CDK13: variants seen among roughly 807,000 people sequenced by gnomAD.
CDK13 encodes the protein cyclin dependent kinase 13.
CDK13 carries 40 observed loss-of-function variants against 137.6 expected under a neutral mutation model. The ratio of observed to expected loss-of-function variants is 0.29; its 90% CI spans 0.23 to 0.38. The LOEUF (loss-of-function observed/expected upper bound fraction) is 0.38, where lower values mean the gene tolerates loss of function less well. CDK13 is among the 10% of genes least tolerant of loss of function. The pLI is 1.00. For missense variants in CDK13, 1,704 were observed against 1,951.8 expected (o/e 0.87, Z 2.39); for synonymous variants, 869 against 760.1 (o/e 1.14, Z -2.36).
chr7:40,084,477 T>C (rs1278936804), intron 11 of CDK13, among the ~76,000 whole-genome samples: 2 of 152,154 alleles, frequency 1.3e-5, no homozygotes, highest in Non-Finnish European at 2.9e-5. Context: ...AAACTCTGTC[T>C]CAAAAACAAA....
At chr7:40,004,765 G>A (rs1306206424) in intron 5 of CDK13, among the ~76,000 whole-genome samples, 1 of 152,144 alleles carries the variant, frequency 6.6e-6, no homozygotes, top group African/African-American at 2.4e-5. Flanking sequence ...GTTAAACAAT[G>A]TAAATATGCA....
At chr7:40,055,559 T>C (rs1041168542) in intron 7 of CDK13, among the ~76,000 whole-genome samples, 1 of 151,572 alleles carries the variant, frequency 6.6e-6, no homozygotes, top group Non-Finnish European at 1.5e-5. Context: ...AAATTCATTT[T>C]TGAGGATTCT....
intron 2 of CDK13, among the ~76,000 whole-genome samples, chr7:39,994,126 CT>C (rs1262491207): frequency 6.6e-6 from 1 of 151,980 alleles, no homozygotes; most frequent in African/African-American, 2.4e-5. Flanking sequence ...GGATGTTGAC[CT>C]TTGCTTCTCA....
intron 5 of CDK13, among the ~76,000 whole-genome samples, chr7:40,003,190 ACACACACACACACACACTCT>A (rs1298379789): frequency 1.8e-4 from 18 of 98,420 alleles, no homozygotes; most frequent in East Asian, 6.1e-4. Flanking sequence ...ACACACACAC[ACACACACACACACACACTCT>A]CTCTCTCTCT....
At position 39,950,544 on chromosome 7, in the gene CDK13, C is replaced by T. The variant is rs1344786495; in HGVS notation, c.-98C>T. ...CCCGGCCGGCTCTGGTGCTCGGTGT[C>T]CCTCCGCCGCCGCTCCCGTTTCCGG... On this transcript the variant is annotated 5_prime_UTR_variant, in exon 1 of 14. Coordinates refer to ENST00000181839, the MANE Select transcript of CDK13 (RefSeq NM_003718.5). 7 of 1,273,648 alleles carry T rather than the reference C, an allele frequency of 5.5e-6. No homozygotes were observed. The highest frequency in any genetic ancestry group is 5.2e-5 in the South Asian group (2 of 38,196). The allele number at this position is 1,273,648 out of a possible 1,614,324, so 78.9% of individuals were successfully genotyped here.
intron 5 of CDK13, among the ~76,000 whole-genome samples, chr7:40,036,487 G>T (rs755799674): frequency 6.6e-6 from 1 of 152,154 alleles, no homozygotes; most frequent in Non-Finnish European, 1.5e-5. Context: ...CAGGAGAATT[G>T]CCTGAACCTG....
chr7:40,006,994 G>A (rs1347359633), intron 5 of CDK13, among the ~76,000 whole-genome samples: 2 of 152,148 alleles, frequency 1.3e-5, no homozygotes, highest in Admixed American at 6.5e-5. Context: ...CATAGTAACA[G>A]TACTACACAG....
chr7:40,032,127 G>A (rs1245486214), intron 5 of CDK13, among the ~76,000 whole-genome samples: 1 of 151,982 alleles, frequency 6.6e-6, no homozygotes, highest in African/African-American at 2.4e-5. Flanking sequence ...TGTGACTTTG[G>A]TTCACTGCAG....
At chr7:40,046,338 A>G (rs559054847) in intron 6 of CDK13, among the ~76,000 whole-genome samples, 32 of 152,276 alleles carry the variant, frequency 2.1e-4, no homozygotes, top group African/African-American at 7.2e-4. Context: ...AGTTTACTTT[A>G]TACAAACTAT....
chr7:40,004,697 A>G (rs945023926), intron 5 of CDK13, among the ~76,000 whole-genome samples: 1 of 152,246 alleles, frequency 6.6e-6, no homozygotes, highest in Non-Finnish European at 1.5e-5. Flanking sequence ...CACTGGTTAA[A>G]TGTTATGGGC....
chr7:39,976,327 A>T (rs866546549), intron 1 of CDK13, among the ~76,000 whole-genome samples: 4,996 of 38,910 alleles, frequency 0.13, 97 homozygotes, highest in East Asian at 0.36. Flanking sequence ...TCTCTCTCAC[A>T]CACACACACA....
chr7:39,969,900 A>C (rs1419170878), intron 1 of CDK13, among the ~76,000 whole-genome samples: 1 of 152,234 alleles, frequency 6.6e-6, no homozygotes, highest in Non-Finnish European at 1.5e-5. Flanking sequence ...AGATACAAAT[A>C]AATGTTTTGC....
At chr7:40,024,649 T>G (rs1337224091) in intron 5 of CDK13, among the ~76,000 whole-genome samples, 1 of 22,414 alleles carries the variant, frequency 4.5e-5, no homozygotes, top group Non-Finnish European at 9.6e-5. Context: ...CTCTGTGTTT[T>G]TTTTTTTTTT....
Position 39,950,463 on chromosome 7 carries a change from A to G in CDK13, c.-179A>G, listed in dbSNP as rs1780746219. On this transcript the variant is annotated 5_prime_UTR_variant, in exon 1 of 14. Coordinates refer to ENST00000181839, the MANE Select transcript of CDK13 (RefSeq NM_003718.5). ...GGGCCCGGAGGCTGCTGCGTACCCC[A>G]CTGTGACCTGGAACCCAGGGACCCG... is the stretch of plus-strand genomic sequence containing the variant. 4 of 1,253,532 alleles carry G rather than the reference A, an allele frequency of 3.2e-6. No homozygotes were observed. The highest frequency in any genetic ancestry group is 4.0e-6 in the Non-Finnish European group (4 of 1,000,208). 77.7% of individuals were successfully genotyped at this position (1,253,532 alleles called of 1,614,324 possible). A position where few individuals can be genotyped will look rare whatever the true frequency, so the allele number is the denominator to read the frequency against.
Position 40,076,784 on chromosome 7 carries a change from C to T in CDK13, c.2781-1221C>T, listed in dbSNP as rs118191287. 6.5e-3 allele frequency among the ~76,000 whole-genome samples: 987 copies of T among 152,226 alleles called. 6 individuals are homozygous for T. The highest frequency in any genetic ancestry group is 0.011 in the Non-Finnish European group (742 of 68,024). On this transcript the variant is annotated intron_variant, in intron 9 of 13. Transcript: ENST00000181839. ...CTAAAAAAATGTCTGGCAACTTGAG[C>T]CATTACTTGTTCATATACATTTATA...
At chr7:39,960,276 C>T (rs1035621215) in intron 1 of CDK13, among the ~76,000 whole-genome samples, 5 of 151,278 alleles carry the variant, frequency 3.3e-5, no homozygotes, top group Middle Eastern at 3.4e-3. Context: ...GATGGAGTCT[C>T]GCTCTGTCAC....
At chr7:39,993,804 G>A (rs886702913) in intron 2 of CDK13, among the ~76,000 whole-genome samples, 1 of 151,874 alleles carries the variant, frequency 6.6e-6, no homozygotes, top group Non-Finnish European at 1.5e-5. Flanking sequence ...AATTTTTATA[G>A]GATAGTTACA....
intron 1 of CDK13, among the ~76,000 whole-genome samples, chr7:39,970,511 A>G (rs938088392): frequency 1.3e-5 from 2 of 149,348 alleles, no homozygotes; most frequent in Non-Finnish European, 3.0e-5. Flanking sequence ...TCTAGACTGG[A>G]GTGCAATGGC....
chr7:40,055,652 C>CA (rs1232067116), intron 7 of CDK13, among the ~76,000 whole-genome samples: 1 of 144,242 alleles, frequency 6.9e-6, no homozygotes, highest in Non-Finnish European at 1.5e-5. Flanking sequence ...CATCTAGGTT[C>CA]ACTGCAACCT....
Sources: allele counts gnomAD v4.1 joint callset (sites outside exome capture counted in the v4.1 genomes callset), GRCh38; gene constraint gnomAD v4.1.1; transcripts MANE v1.5; gene names NCBI Gene and HGNC (gene_info 2026-07-23, HGNC 2026-07-21).